Variants in DAPK2 observed in about 807,000 individuals in gnomAD.
The protein encoded by DAPK2 is death-associated protein kinase 2.
In DAPK2, 35 loss-of-function variants were observed where a neutral mutation model predicts 44.1. The ratio of observed to expected loss-of-function variants is 0.79; its 90% confidence interval spans 0.61 to 1.05. DAPK2 has a LOEUF of 1.05. Among genes scored for constraint, DAPK2 ranks in the 50% least tolerant of loss-of-function variants. The pLI is 0.00. For synonymous variants in DAPK2, 174 were observed against 182.6 expected (o/e 0.95, Z 0.38); for missense variants, 453 against 483.2 (o/e 0.94, Z 0.59).
chr15:63,970,853 A>G (rs2078192885), intron 3 of DAPK2, among the ~76,000 whole-genome samples: 1 of 152,168 alleles, frequency 6.6e-6, no homozygotes, highest in Admixed American at 6.5e-5. Context: ...GAACTCTCTC[A>G]GTCCTGAATA....
chr15:63,943,820 G>A (rs2077379970), intron 3 of DAPK2, among the ~76,000 whole-genome samples: 1 of 152,200 alleles, frequency 6.6e-6, no homozygotes, highest in Non-Finnish European at 1.5e-5. Context: ...AGGCTGCAGT[G>A]AGCTGAGATC....
Position 63,942,838 on chromosome 15 carries a change from T to A in DAPK2, c.454-3477A>T, listed in dbSNP as rs376628416. ...CCTCCCCAGTTCCCAAAGTACCCTGTAATACCCGAACACAGTGCTTCTTAC... is the reference window on the plus strand; with the variant it reads ...CCTCCCCAGTTCCCAAAGTACCCTGAAATACCCGAACACAGTGCTTCTTAC... On this transcript the variant is annotated intron_variant, in intron 3 of 10. Coordinates refer to ENST00000261891, the Ensembl canonical transcript of DAPK2. 1.1e-3 allele frequency among the ~76,000 whole-genome samples: 169 copies of A among 152,192 alleles called. 1 individual carries two copies. The highest frequency in any genetic ancestry group is 3.9e-3 in the African/African-American group (163 of 41,536).
At chr15:64,040,134 C>G in intron 1 of DAPK2, 36 bp downstream of exon 2, 1 of 1,560,556 alleles carries the variant, frequency 6.4e-7, no homozygotes, top group Non-Finnish European at 8.8e-7. Flanking sequence ...ACTTTGGCTC[C>G]CTCGGCATCC....
At chr15:63,947,737 T>A (rs1462095736) in intron 3 of DAPK2, among the ~76,000 whole-genome samples, 3 of 152,198 alleles carry the variant, frequency 2.0e-5, no homozygotes, top group African/African-American at 7.2e-5. Flanking sequence ...TGATGATGTC[T>A]CTCCTTCCCA....
intron 1 of DAPK2, among the ~76,000 whole-genome samples, chr15:64,025,506 G>A (rs987464290): frequency 2.0e-5 from 3 of 152,154 alleles, no homozygotes; most frequent in South Asian, 2.1e-4. Context: ...TCTGCTCACC[G>A]CTGCATCCTC....
intron 1 of DAPK2, among the ~76,000 whole-genome samples, chr15:64,028,802 AGAAG>A (rs976953587): frequency 3.3e-5 from 5 of 152,198 alleles, no homozygotes; most frequent in African/African-American, 1.2e-4. Context: ...ACAGACGGAA[AGAAG>A]GAAGGAGGAA....
intron 1 of DAPK2, among the ~76,000 whole-genome samples, chr15:63,986,461 G>A (rs1440836079): frequency 7.2e-5 from 11 of 152,162 alleles, no homozygotes; most frequent in Non-Finnish European, 4.4e-5. Flanking sequence ...GTCTGGCTCT[G>A]CTGCCCCGGC....
At chr15:64,004,489 T>C (rs2079176005) in intron 1 of DAPK2, among the ~76,000 whole-genome samples, 1 of 152,246 alleles carries the variant, frequency 6.6e-6, no homozygotes, top group Non-Finnish European at 1.5e-5. Context: ...GCTTGCCTCA[T>C]GCTGATACCT....
chr15:64,031,629 C>T lies in DAPK2; in HGVS notation c.92+8541G>A, dbSNP rs531116889. On this transcript the variant is annotated intron_variant, in intron 1 of 10. Transcript: ENST00000261891. ...TATGATCAGAGAGGCACAAAAATCC[C>T]AGGCCAGGGTAGTGAAGAGGGCTTT... is the stretch of plus-strand genomic sequence containing the variant. Among the ~76,000 whole-genome samples the T allele has an allele frequency of 2.0e-5, 3 of 152,326 alleles. No homozygotes were observed. The East Asian group carries it at 5.8e-4, about 29-fold the overall frequency.
At chr15:64,043,017 T>G (rs1436136176), upstream of DAPK2, among the ~76,000 whole-genome samples, 1 of 152,212 alleles carries the variant, frequency 6.6e-6, no homozygotes, top group Non-Finnish European at 1.5e-5. Context: ...AGGGAGAGAA[T>G]AGATTCCATA....
chr15:64,046,301 GGGAGGCTGAGCTGCCGCGGTCGCGGCCGC>G, exon 1 of DAPK2: 1 of 974,242 alleles, frequency 1.0e-6, no homozygotes, highest in South Asian at 4.9e-5. This position sits in a 1 kb window ranked among gnomAD's most constrained non-coding sequence, Gnocchi z 5.3. Flanking sequence ...TACTCACGGC[GGGAGGCTGAGCTGCCGCGGTCGCGGCCGC>G]GGCAGGCGCG....
intron 3 of DAPK2, among the ~76,000 whole-genome samples, chr15:63,950,990 T>C (rs543746902): frequency 6.6e-6 from 1 of 152,360 alleles, no homozygotes; most frequent in South Asian, 2.1e-4. Flanking sequence ...TAGAGGAATT[T>C]GGATTTTTTG....
intron 6 of DAPK2, among the ~76,000 whole-genome samples, chr15:63,928,004 T>A (rs764444494): frequency 1.3e-5 from 2 of 152,132 alleles, no homozygotes; most frequent in Non-Finnish European, 2.9e-5. Context: ...CACCTCAGCC[T>A]TCCAAAATGC....
At chr15:64,019,038 T>C (rs2079611623) in intron 1 of DAPK2, among the ~76,000 whole-genome samples, 1 of 152,202 alleles carries the variant, frequency 6.6e-6, no homozygotes, top group Non-Finnish European at 1.5e-5. Context: ...GCCTGGTGTA[T>C]GGTTGGTGCT....
intron 1 of DAPK2, among the ~76,000 whole-genome samples, chr15:64,021,559 T>C (rs2079683445): frequency 6.6e-6 from 1 of 152,166 alleles, no homozygotes; most frequent in South Asian, 2.1e-4. Context: ...GATCCAGCCA[T>C]ATGCTAGAGG....
chr15:63,983,899 T>A, intron 1 of DAPK2, 145 bp from the exon 3 acceptor site: 2 of 746,606 alleles, frequency 2.7e-6, no homozygotes, highest in South Asian at 3.4e-5. Context: ...CCCCACCTGA[T>A]GACAACCTGT....
At chr15:63,988,489 A>T (rs2078724599) in intron 1 of DAPK2, among the ~76,000 whole-genome samples, 1 of 150,080 alleles carries the variant, frequency 6.7e-6, no homozygotes. Context: ...ACATTACAAC[A>T]TTTACATCCA....
rs60415450 is a variant in DAPK2 at position 63,984,632 on chromosome 15, C to T, written c.93-878G>A. Among the ~76,000 whole-genome samples the T allele has an allele frequency of 6.6e-5, 10 of 152,278 alleles. No individual in the cohort carries two copies. In the East Asian group the frequency reaches 1.9e-3, roughly 29 times the overall value. ...CCAGTGACCATCTTGCCCGGGGGTC[C>T]TCCCGTCCCCTTACTGCCATTTGCC... On this transcript the variant is annotated intron_variant, in intron 1 of 10. Coordinates refer to ENST00000261891, the Ensembl canonical transcript of DAPK2.
chr15:64,016,843 GGAAGGAA>G (rs2079542372), intron 1 of DAPK2, among the ~76,000 whole-genome samples: 5 of 1,376 alleles, frequency 3.6e-3, no homozygotes, highest in Non-Finnish European at 0.015. Context: ...AAGGAGGGAA[GGAAGGAA>G]GGAAGGAAGG....
Sources: gnomAD v4.1 joint callset for allele counts (sites outside exome capture counted in the v4.1 genomes callset) on GRCh38, gnomAD v4.1.1 for gene constraint, Gnocchi (gnomAD v3.1) non-coding constraint, MANE v1.5 for transcripts, NCBI Gene and HGNC (gene_info 2026-07-23, HGNC 2026-07-21) for gene names.